The following CCSER1 variants were observed in gnomAD, a reference collection of about 807,000 sequenced individuals.
CCSER1 encodes coiled-coil serine rich protein 1, also known as serine-rich coiled-coil domain-containing protein 1.
Under a neutral mutation model 82.0 loss-of-function variants are expected in CCSER1, and 41 were observed. That is an observed-to-expected ratio of 0.50 (90% confidence interval 0.39 to 0.65). The LOEUF is 0.65. Among genes scored for constraint, CCSER1 ranks in the 30% least tolerant of loss-of-function variants. The pLI is 0.00. For missense variants in CCSER1, 1,119 were observed against 1,064.2 expected (o/e 1.05, Z -0.72); for synonymous variants, 414 against 383.9 (o/e 1.08, Z -0.92).
At chr4:90,816,005 AT>A (rs1284382478) in intron 8 of CCSER1, among the ~76,000 whole-genome samples, 160 bp downstream of exon 8, 3 of 152,208 alleles carry the variant, frequency 2.0e-5, no homozygotes, top group African/African-American at 4.8e-5. Context: ...AAAACTATAG[AT>A]CTTTGACAAG....
At chr4:90,854,672 C>T (rs1318460118) in intron 8 of CCSER1, among the ~76,000 whole-genome samples, 1 of 152,056 alleles carries the variant, frequency 6.6e-6, no homozygotes, top group Admixed American at 6.6e-5. Context: ...TAGGTGGATA[C>T]AGCCTCCTTA....
At chr4:91,402,336 C>T (rs568813257) in intron 10 of CCSER1, among the ~76,000 whole-genome samples, 46 of 152,222 alleles carry the variant, frequency 3.0e-4, no homozygotes, top group African/African-American at 1.0e-3. Flanking sequence ...TTCTCCCATT[C>T]TGTAGGTTGC....
intron 10 of CCSER1, among the ~76,000 whole-genome samples, chr4:91,140,991 G>T (rs568219844): frequency 6.6e-6 from 1 of 152,046 alleles, no homozygotes; most frequent in South Asian, 2.1e-4. Flanking sequence ...AGTACCCAGT[G>T]TCTACTGTTG....
intron 6 of CCSER1, among the ~76,000 whole-genome samples, chr4:90,650,253 G>T (rs1208069262): frequency 6.6e-6 from 1 of 151,896 alleles, no homozygotes; most frequent in Non-Finnish European, 1.5e-5. Context: ...AGAAAGAAAA[G>T]AAAGGGTCAA....
chr4:90,295,133 A>G (rs924784341), intron 1 of CCSER1, among the ~76,000 whole-genome samples: 4 of 151,888 alleles, frequency 2.6e-5, no homozygotes, highest in African/African-American at 9.7e-5. Flanking sequence ...ATTATTTTAT[A>G]TTTTCACTAC....
chr4:91,557,235 A>G (rs762847463), intron 10 of CCSER1, among the ~76,000 whole-genome samples: 3 of 151,314 alleles, frequency 2.0e-5, no homozygotes, highest in Non-Finnish European at 4.4e-5. Flanking sequence ...ATACAAGTCA[A>G]TTATTTGTTT....
At chr4:90,782,906 T>G (rs1296057964) in intron 7 of CCSER1, among the ~76,000 whole-genome samples, 2 of 151,644 alleles carry the variant, frequency 1.3e-5, no homozygotes, top group Non-Finnish European at 2.9e-5. Context: ...GGTCTCGATC[T>G]CCTGTGATCG....
chr4:90,507,942 A>G (rs778201538), intron 5 of CCSER1, among the ~76,000 whole-genome samples: 5 of 151,954 alleles, frequency 3.3e-5, no homozygotes, highest in Non-Finnish European at 7.4e-5. Context: ...ATATGGATAT[A>G]ATATTAGTAA....
chr4:90,871,072 CTT>C (rs1256016064), intron 8 of CCSER1, among the ~76,000 whole-genome samples: 5 of 140,406 alleles, frequency 3.6e-5, no homozygotes, highest in Non-Finnish European at 6.4e-5. Context: ...GGTCTTCTCT[CTT>C]TTTTTCTTAG....
At chr4:90,407,056 G>A (rs1388241439) in intron 4 of CCSER1, among the ~76,000 whole-genome samples, 1 of 151,984 alleles carries the variant, frequency 6.6e-6, no homozygotes, top group African/African-American at 2.4e-5. Context: ...AAAGACAAAA[G>A]ATAAGTGAAT....
intron 5 of CCSER1, among the ~76,000 whole-genome samples, chr4:90,542,436 A>C (rs140977416): frequency 1.3e-5 from 2 of 152,040 alleles, no homozygotes; most frequent in Non-Finnish European, 2.9e-5. Context: ...TGTTGTTGCT[A>C]TGGGATAACA....
intron 10 of CCSER1, among the ~76,000 whole-genome samples, chr4:91,577,730 G>C (rs1763517764): frequency 6.6e-6 from 1 of 151,998 alleles, no homozygotes; most frequent in Non-Finnish European, 1.5e-5. Flanking sequence ...TGAACTAGCA[G>C]ATTCTGCTGC....
At chr4:90,348,938 G>A (rs988282321) in intron 3 of CCSER1, among the ~76,000 whole-genome samples, 2 of 152,066 alleles carry the variant, frequency 1.3e-5, no homozygotes, top group Non-Finnish European at 2.9e-5. Flanking sequence ...TTTATAGAAG[G>A]TAGAAAGCAT....
At position 90,815,765 on chromosome 4, in the gene CCSER1, A is replaced by G. The variant is rs61743906; in HGVS notation, c.2014A>G (p.Ile672Val). The G allele has an allele frequency of 8.6e-4, 1,337 of 1,550,334 alleles. 10 individuals are homozygous for G. The African/African-American group carries it at 0.016, about 19-fold the overall frequency. Residue 672 changes from isoleucine (I) to valine (V), a missense_variant, in exon 8 of 11, where the codon ATA becomes GTA. Transcript: ENST00000509176. ...TGTCTCTTTGATGTTTTTATAGGAT[A>G]TAATGAAAGATGAATGCTCGATGCT... ...LTEEPVPFKD[I>V]MKDECSMLKL...
chr4:91,169,201 T>TAAAAAA (rs57715555), intron 10 of CCSER1, among the ~76,000 whole-genome samples: 2 of 122,990 alleles, frequency 1.6e-5, no homozygotes, highest in Non-Finnish European at 3.4e-5. Flanking sequence ...CAATAAATAC[T>TAAAAAA]AAAAAAAAAA....
chr4:91,102,319 G>A (rs1725151472), intron 10 of CCSER1, among the ~76,000 whole-genome samples: 1 of 152,166 alleles, frequency 6.6e-6, no homozygotes, highest in Admixed American at 6.6e-5. Context: ...TTAAAGAGAG[G>A]TATTGCAAGG....
chr4:90,701,744 G>T (rs1738186291), intron 6 of CCSER1, among the ~76,000 whole-genome samples: 1 of 152,098 alleles, frequency 6.6e-6, no homozygotes, highest in Admixed American at 6.5e-5. Context: ...AATTGTGAAT[G>T]GGAGTTCACT....
At chr4:90,572,356 T>C (rs149626973) in intron 5 of CCSER1, among the ~76,000 whole-genome samples, 1 of 152,296 alleles carries the variant, frequency 6.6e-6, no homozygotes, top group African/African-American at 2.4e-5. Flanking sequence ...ATTTAACTTC[T>C]TGTACCTGGA....
At chr4:91,379,933 T>G (rs1466179732) in intron 10 of CCSER1, among the ~76,000 whole-genome samples, 2 of 152,334 alleles carry the variant, frequency 1.3e-5, no homozygotes, top group South Asian at 4.1e-4. Context: ...TCCCAGAGAT[T>G]CTGGTATGTT....
Sources: gnomAD v4.1 joint callset for allele counts (sites outside exome capture counted in the v4.1 genomes callset) on GRCh38, gnomAD v4.1.1 for gene constraint, MANE v1.5 for transcripts, NCBI Gene and HGNC (gene_info 2026-07-23, HGNC 2026-07-21) for gene names.